SH3RF2: variants seen among roughly 807,000 people sequenced by gnomAD.
SH3RF2 encodes the protein SH3 domain containing ring finger 2.
Under a neutral mutation model 59.0 loss-of-function variants are expected in SH3RF2, and 43 were observed. The ratio of observed to expected loss-of-function variants is 0.73; its 90% confidence interval spans 0.57 to 0.94. SH3RF2 has a LOEUF of 0.94. Ranked by LOEUF, SH3RF2 falls within the 40% of genes least tolerant of loss-of-function variation. The probability of loss-of-function intolerance (pLI) is 0.00; values close to 1 mark genes in which losing one functional copy is unlikely to be tolerated. For missense variants in SH3RF2, 930 were observed against 940.1 expected (o/e 0.99, Z 0.14); for synonymous variants, 391 against 391.5 (o/e 1.00, Z 0.01).
chr5:145,974,910 G>T lies in SH3RF2; in HGVS notation c.379-25148G>T, dbSNP rs145312427. ...CTGTAGGTCTACAATATATTGAATC[G>T]GTTTTCCCAAGAACCACCCAATTAA... is the stretch of plus-strand genomic sequence containing the variant. On this transcript the variant is annotated intron_variant, in intron 2 of 9. Transcript: ENST00000359120. Among the ~76,000 whole-genome samples, 90 of 152,252 alleles carry T rather than the reference G, an allele frequency of 5.9e-4. 2 individuals carry two copies. In the East Asian group the frequency reaches 0.016, roughly 26 times the overall value.
intron 5 of SH3RF2, among the ~76,000 whole-genome samples, chr5:146,039,816 A>G (rs1406422431): frequency 1.3e-5 from 2 of 152,238 alleles, no homozygotes; most frequent in African/African-American, 2.4e-5. Context: ...TCATAGTAAC[A>G]TCACTCATAA....
downstream of SH3RF2, among the ~76,000 whole-genome samples, chr5:146,068,225 C>T (rs1481758937): frequency 6.6e-6 from 1 of 152,218 alleles, no homozygotes; most frequent in African/African-American, 2.4e-5. Context: ...TATCTGTTTC[C>T]ATGAGAGGAG....
In SH3RF2 at chr5:145,962,477, G is replaced by A. The variant is rs149946028; in HGVS notation, c.378+24171G>A. ...TTTTTATCCAACCTCTTCATTATTC[G>A]ACAAACCAATCTCTCAAAATCCTGT... is the stretch of plus-strand genomic sequence containing the variant. On this transcript the variant is annotated intron_variant, in intron 2 of 9. Coordinates refer to ENST00000359120, the MANE Select transcript of SH3RF2 (RefSeq NM_152550.4). Among the ~76,000 whole-genome samples, 763 of 152,032 alleles carry A rather than the reference G, an allele frequency of 5.0e-3. 9 individuals are homozygous for A. The highest frequency in any genetic ancestry group is 0.017 in the African/African-American group (724 of 41,442).
intron 2 of SH3RF2, among the ~76,000 whole-genome samples, chr5:145,962,970 T>C (rs2149955227): frequency 7.0e-6 from 1 of 143,558 alleles, no homozygotes; most frequent in African/African-American, 2.6e-5. Context: ...CAATCTTGGC[T>C]CACTGCAAGC....
At chr5:145,967,232 G>C (rs1310412253) in intron 2 of SH3RF2, among the ~76,000 whole-genome samples, 1 of 152,156 alleles carries the variant, frequency 6.6e-6, no homozygotes, top group Admixed American at 6.5e-5. Flanking sequence ...GTGAAGAAAT[G>C]GCTGCAAATG....
chr5:146,061,262 C>T (rs967789496), intron 9 of SH3RF2, among the ~76,000 whole-genome samples: 5 of 152,068 alleles, frequency 3.3e-5, no homozygotes, highest in Admixed American at 1.3e-4. Flanking sequence ...TACCCAAGAC[C>T]GCACAGTTGA....
At chr5:146,067,498 G>A (rs2150027084), downstream of SH3RF2, among the ~76,000 whole-genome samples, 1 of 152,308 alleles carries the variant, frequency 6.6e-6, no homozygotes, top group East Asian at 1.9e-4. Context: ...AGCTGATCCA[G>A]GACACTCAGG....
intron 9 of SH3RF2, among the ~76,000 whole-genome samples, chr5:146,071,929 A>T (rs1763248058): frequency 6.6e-6 from 1 of 152,216 alleles, no homozygotes; most frequent in African/African-American, 2.4e-5. Context: ...ATTACCATTT[A>T]TTGGATGTAG....
At chr5:146,006,280 C>T (rs560476008) in intron 4 of SH3RF2, among the ~76,000 whole-genome samples, 1 of 152,138 alleles carries the variant, frequency 6.6e-6, no homozygotes, top group Admixed American at 6.5e-5. Flanking sequence ...AAAAACTAGC[C>T]AGGCATGGTG....
At chr5:146,023,751 C>T (rs911706424) in intron 5 of SH3RF2, among the ~76,000 whole-genome samples, 1 of 152,202 alleles carries the variant, frequency 6.6e-6, no homozygotes, top group Admixed American at 6.5e-5. Flanking sequence ...CATCACCTCC[C>T]AAACTACCAT....
Position 145,963,290 on chromosome 5 carries a change from T to TG in SH3RF2, c.378+24984_378+24985insG, listed in dbSNP as rs1561712422. On this transcript the variant is annotated intron_variant, in intron 2 of 9. Coordinates refer to ENST00000359120, the MANE Select transcript of SH3RF2 (RefSeq NM_152550.4). ...TGGATGGATGGATGGATGGATGGAT[T>TG]AATAACTATACATTTATAGAGGTAG... 1.5e-3 allele frequency among the ~76,000 whole-genome samples: 210 copies of TG among 139,188 alleles called. 1 individual carries two copies. The highest frequency in any genetic ancestry group is 5.3e-3 in the African/African-American group (171 of 32,250). The allele number at this position is 139,188 out of a possible 152,430, so 91.3% of individuals were successfully genotyped here. A position where few individuals can be genotyped will look rare whatever the true frequency, so the allele number is the denominator to read the frequency against.
At chr5:145,978,287 C>T (rs1462535676) in intron 2 of SH3RF2, among the ~76,000 whole-genome samples, 1 of 152,174 alleles carries the variant, frequency 6.6e-6, no homozygotes, top group Non-Finnish European at 1.5e-5. Flanking sequence ...CCACCAGAGC[C>T]CTCACCCTGG....
At chr5:145,946,120 A>C (rs572765294) in intron 2 of SH3RF2, among the ~76,000 whole-genome samples, 2 of 152,358 alleles carry the variant, frequency 1.3e-5, no homozygotes, top group Non-Finnish European at 2.9e-5. Context: ...CCCCAGGGTC[A>C]CACTGCCCCA....
At chr5:145,943,657 C>T (rs1272868231) in intron 2 of SH3RF2, among the ~76,000 whole-genome samples, 1 of 152,104 alleles carries the variant, frequency 6.6e-6, no homozygotes, top group Non-Finnish European at 1.5e-5. Context: ...TGGGTTCCTC[C>T]GTGTTGTAGA....
chr5:145,998,496 T>C (rs911973406), intron 2 of SH3RF2, among the ~76,000 whole-genome samples: 3 of 92,934 alleles, frequency 3.2e-5, no homozygotes, highest in Non-Finnish European at 6.8e-5. Context: ...CCATGTTTTA[T>C]GGGAAAAAAA....
chr5:146,057,589 A>G (rs1762715135), intron 8 of SH3RF2, among the ~76,000 whole-genome samples: 1 of 152,216 alleles, frequency 6.6e-6, no homozygotes, highest in African/African-American at 2.4e-5. Flanking sequence ...TATCATTGCT[A>G]CTGCAATCAA....
downstream of SH3RF2, among the ~76,000 whole-genome samples, chr5:146,067,020 C>A: frequency 6.6e-6 from 1 of 152,066 alleles, no homozygotes; most frequent in East Asian, 1.9e-4. Context: ...GAGGACCATA[C>A]CTGAGGAAAT....
At chr5:145,947,121 A>G (rs797012848) in intron 2 of SH3RF2, among the ~76,000 whole-genome samples, 24 of 150,680 alleles carry the variant, frequency 1.6e-4, no homozygotes, top group African/African-American at 5.8e-4. Context: ...CTCTGTACCC[A>G]TTGAACAATA....
At chr5:146,011,273 G>A (rs1238519125) in intron 4 of SH3RF2, among the ~76,000 whole-genome samples, 2 of 152,134 alleles carry the variant, frequency 1.3e-5, no homozygotes, top group African/African-American at 4.8e-5. Flanking sequence ...TGCTGTTTTG[G>A]TTACTGTAGC....
Sources: allele counts gnomAD v4.1 joint callset (sites outside exome capture counted in the v4.1 genomes callset), GRCh38; gene constraint gnomAD v4.1.1; transcripts MANE v1.5; gene names NCBI Gene and HGNC (gene_info 2026-07-23, HGNC 2026-07-21).